The following CSGALNACT1 variants were observed in gnomAD, a reference collection of about 807,000 sequenced individuals.
The protein encoded by CSGALNACT1 is beta4GalNAcT-1.
CSGALNACT1 carries 52 observed loss-of-function variants against 51.0 expected under a neutral mutation model. The observed-to-expected ratio is 1.02, with a 90% confidence interval of 0.82 to 1.29. CSGALNACT1 has a LOEUF of 1.29. Ranked by LOEUF, CSGALNACT1 falls within the 50% of genes most tolerant of loss-of-function variation. The probability of loss-of-function intolerance (pLI) is 0.00; values close to 1 mark genes in which losing one functional copy is unlikely to be tolerated. For synonymous variants in CSGALNACT1, 341 were observed against 254.4 expected, an observed-to-expected ratio of 1.34 and a Z score of -3.24; for missense variants, 935 against 679.2, an observed-to-expected ratio of 1.38 and a Z score of -4.19.
At chr8:19,460,383 T>G (rs6983939) in intron 4 of CSGALNACT1, among the ~76,000 whole-genome samples, 3,244 of 152,296 alleles carry the variant, frequency 0.021, 111 homozygotes, top group African/African-American at 0.074. Context: ...ATTTATAAAT[T>G]AAACATTATC....
chr8:19,527,490 G>C (rs1231641419), intron 3 of CSGALNACT1, among the ~76,000 whole-genome samples: 3 of 152,242 alleles, frequency 2.0e-5, no homozygotes, highest in Middle Eastern at 3.4e-3. Flanking sequence ...GGTGGCTACA[G>C]TCCCAGCTAC....
chr8:19,663,872 T>G (rs1432752924), intron 1 of CSGALNACT1, among the ~76,000 whole-genome samples: 2 of 152,226 alleles, frequency 1.3e-5, no homozygotes, highest in African/African-American at 4.8e-5. Flanking sequence ...TTTGATATGG[T>G]CCCAACATGA....
At position 19,667,110 on chromosome 8, in the gene CSGALNACT1, C is replaced by A. The variant is rs186790817; in HGVS notation, c.-544+15363G>T. On this transcript the variant is annotated intron_variant, in intron 1 of 9. Coordinates refer to the CSGALNACT1 transcript ENST00000332246. ...AAGAAAGAAAGAAAGGGAAAGAAAT[C>A]TCATCACAATATCAAAAGACATAAT... 4.8e-5 allele frequency among the ~76,000 whole-genome samples: 7 copies of A among 145,882 alleles called. No homozygotes were observed. The East Asian group carries it at 6.4e-4, about 13-fold the overall frequency.
Position 19,507,547 on chromosome 8 carries a change from A to AAAAAT in CSGALNACT1, c.-296-1418_-296-1417insATTTT, listed in dbSNP as rs1288053474. On this transcript the variant is annotated intron_variant, in intron 3 of 9. Transcript: ENST00000454498. ...TAGCCAGAAAAAAAAAAAAAAAAAAAAAAAAGAATGATTAATGGAAAATAG... is the reference window on the plus strand; with the variant it reads ...TAGCCAGAAAAAAAAAAAAAAAAAAAAAAATAAAAAGAATGATTAATGGAAAATAG... 3.2e-4 allele frequency among the ~76,000 whole-genome samples: 49 copies of AAAAAT among 150,796 alleles called. 2 individuals carry two copies. The highest frequency in any genetic ancestry group is 1.2e-3 in the African/African-American group (48 of 41,226).
At chr8:19,691,120 C>T (rs1479586512) in intron 1 of CSGALNACT1, among the ~76,000 whole-genome samples, 1 of 152,174 alleles carries the variant, frequency 6.6e-6, no homozygotes, top group Non-Finnish European at 1.5e-5. Context: ...ACAAATAAAA[C>T]TCTCTGCGGC....
At chr8:19,685,795 A>T (rs935675387), upstream of CSGALNACT1, among the ~76,000 whole-genome samples, 1 of 152,198 alleles carries the variant, frequency 6.6e-6, no homozygotes, top group African/African-American at 2.4e-5. Flanking sequence ...CACCAGGCTA[A>T]CTTTGACATA....
exon 4 of CSGALNACT1, chr8:19,505,826 C>A (rs1248317835): frequency 3.1e-6 from 5 of 1,611,258 alleles, no homozygotes; most frequent in South Asian, 1.1e-5. Context: ...CCCGGCGAAC[C>A]ATCATCATTC....
intron 9 of CSGALNACT1, 101 bp from the exon 9 acceptor site, chr8:19,406,170 G>A (rs878865135): frequency 3.0e-6 from 4 of 1,340,214 alleles, no homozygotes; most frequent in Non-Finnish European, 3.2e-6. Context: ...TGACTGGGGG[G>A]GATGCGTGCT....
intron 3 of CSGALNACT1, among the ~76,000 whole-genome samples, chr8:19,548,659 A>T (rs931740118): frequency 2.6e-5 from 4 of 152,212 alleles, no homozygotes; most frequent in Non-Finnish European, 5.9e-5. Context: ...CAAGCACATG[A>T]TTTTAAAATC....
chr8:19,691,266 C>A (rs974939903), intron 1 of CSGALNACT1, among the ~76,000 whole-genome samples: 1 of 152,096 alleles, frequency 6.6e-6, no homozygotes, highest in Non-Finnish European at 1.5e-5. Context: ...GGGAAGTTCC[C>A]CATAAATTTC....
At chr8:19,642,091 T>A (rs2056803569) in intron 1 of CSGALNACT1, 1 of 152,242 alleles carries the variant, frequency 6.6e-6, no homozygotes, top group Non-Finnish European at 1.5e-5. Flanking sequence ...AATGGCTTGT[T>A]AAATAGGCAC....
chr8:19,525,579 T>G (rs531170184), intron 3 of CSGALNACT1, among the ~76,000 whole-genome samples: 3 of 118,456 alleles, frequency 2.5e-5, no homozygotes, highest in African/African-American at 9.8e-5. Context: ...ATCATGCCAC[T>G]GCATGCCAGT....
At chr8:19,582,019 T>C (rs2045689146) in intron 3 of CSGALNACT1, among the ~76,000 whole-genome samples, 1 of 152,230 alleles carries the variant, frequency 6.6e-6, no homozygotes, top group South Asian at 2.1e-4. Flanking sequence ...CCAGGCTGTA[T>C]CTGAGCTATC....
rs77365977 is a variant in CSGALNACT1, at chr8:19,675,612, C to T, written c.-544+6861G>A. ...AGTTCAAGTGATTCTCCTGCCTCAG[C>T]CTCCTGAGTAGCTGGGATTACAGGC... On this transcript the variant is annotated intron_variant, in intron 1 of 9. Coordinates refer to the CSGALNACT1 transcript ENST00000332246. Among the ~76,000 whole-genome samples, 6 of 152,242 alleles carry T rather than the reference C, an allele frequency of 3.9e-5. No individual in the cohort carries two copies. In the East Asian group the frequency reaches 9.7e-4, roughly 25 times the overall value.
At chr8:19,598,015 A>G (rs1193719395) in intron 2 of CSGALNACT1, among the ~76,000 whole-genome samples, 1 of 152,214 alleles carries the variant, frequency 6.6e-6, no homozygotes, top group Non-Finnish European at 1.5e-5. Flanking sequence ...CTGCCTCCCA[A>G]GATAAGTCTC....
At chr8:19,497,332 A>G (rs936488358) in intron 4 of CSGALNACT1, among the ~76,000 whole-genome samples, 5 of 152,184 alleles carry the variant, frequency 3.3e-5, no homozygotes, top group African/African-American at 1.2e-4. Flanking sequence ...TGAACAGACA[A>G]TACTCAGGGA....
At chr8:19,521,724 G>A (rs1227536938) in intron 3 of CSGALNACT1, among the ~76,000 whole-genome samples, 1 of 152,166 alleles carries the variant, frequency 6.6e-6, no homozygotes, top group Non-Finnish European at 1.5e-5. Context: ...TCTGAGGATG[G>A]AGCTGCCACT....
chr8:19,549,446 A>G (rs1256623522), intron 3 of CSGALNACT1, among the ~76,000 whole-genome samples: 1 of 152,058 alleles, frequency 6.6e-6, no homozygotes, highest in Non-Finnish European at 1.5e-5. Context: ...ACTCTAACAC[A>G]GAACTAGAAA....
At chr8:19,488,842 A>G (rs1458760755) in intron 4 of CSGALNACT1, among the ~76,000 whole-genome samples, 1 of 152,196 alleles carries the variant, frequency 6.6e-6, no homozygotes, top group Non-Finnish European at 1.5e-5. Flanking sequence ...ACAATCAGTT[A>G]AACAGTGAAG....
Sources: gnomAD v4.1 joint callset for allele counts (sites outside exome capture counted in the v4.1 genomes callset) on GRCh38, gnomAD v4.1.1 for gene constraint, MANE v1.5 for transcripts, NCBI Gene and HGNC (gene_info 2026-07-23, HGNC 2026-07-21) for gene names.